ARFRP1: variants seen among roughly 807,000 people sequenced by gnomAD.
ARFRP1 encodes ADP-ribosylation factor-related protein 1.
A neutral mutation model predicts 30.3 loss-of-function variants in ARFRP1; 19 were observed. That is an observed-to-expected ratio of 0.63 (90% CI 0.44 to 0.92). ARFRP1 has a LOEUF of 0.92. ARFRP1 is among the 40% of genes least tolerant of loss of function. The pLI is 0.00. For missense variants in ARFRP1, 245 were observed against 267.5 expected (o/e 0.92, Z 0.59); for synonymous variants, 133 against 114.2 (o/e 1.16, Z -1.05).
intron 6 of ARFRP1, chr20:63,701,252 G>A (rs890650298): frequency 3.8e-6 from 2 of 529,154 alleles, no homozygotes; most frequent in Admixed American, 2.0e-5. Flanking sequence ...GGGGGCAACA[G>A]AGCCACCCCA....
intron 6 of ARFRP1, chr20:63,700,910 CTA>C (rs1428563916): frequency 1.5e-5 from 10 of 654,542 alleles, no homozygotes; most frequent in Non-Finnish European, 2.6e-5. Context: ...CTGAGACAAA[CTA>C]GACGTCCACA....
intron 6 of ARFRP1, chr20:63,701,588 A>G (rs1424975887): frequency 5.1e-6 from 3 of 593,020 alleles, no homozygotes; most frequent in Admixed American, 3.0e-5. Flanking sequence ...GGTGCCCTGC[A>G]TAGCAGGAAG....
At chr20:63,700,893 G>T in intron 6 of ARFRP1, 191 bp from the exon 7 acceptor site, 2 of 732,702 alleles carry the variant, frequency 2.7e-6, no homozygotes, top group Non-Finnish European at 4.4e-6. Context: ...AACATGGCTG[G>T]TAGTGCCTGA....
intron 6 of ARFRP1, 96 bp from the exon 7 acceptor site, chr20:63,700,798 AG>A (rs2091168579): frequency 4.0e-6 from 6 of 1,485,968 alleles, no homozygotes. Flanking sequence ...CCTTCACCCC[AG>A]GGAAACAGCC....
chr20:63,702,335 C>A, intron 4 of ARFRP1, 118 bp from the exon 5 acceptor site: 2 of 951,574 alleles, frequency 2.1e-6, no homozygotes, highest in South Asian at 3.0e-5. Flanking sequence ...AGAGGGCAGC[C>A]CCCAACTGCA....
At position 63,706,661 on chromosome 20, in the gene ARFRP1, C is replaced by T. The variant is rs764838441; in HGVS notation, c.171G>A (p.Val57=). The change falls in exon 3 of 8, where the codon GTG becomes GTA. Residue 57 remains valine (V), a synonymous_variant. Transcript: ENST00000622789. ...GMSLSKITTT[V]GLNIGTVDVG... is the part of the protein sequence containing the mutation. Reference sequence around the variant, plus strand: ...TATTGAGACCCTTACTGTTTAGGCCCACGGTGGTGGTGATTTTGGATAGAC... The same window carrying T: ...TATTGAGACCCTTACTGTTTAGGCCTACGGTGGTGGTGATTTTGGATAGAC... 5.0e-6 allele frequency: 8 copies of T among 1,612,140 alleles called. No individual in the cohort carries two copies. The highest frequency in any genetic ancestry group is 1.7e-5 in the Admixed American group (1 of 60,010).
chr20:63,706,782 A>C, intron 2 of ARFRP1, 44 bp from the exon 3 acceptor site: 2 of 1,481,812 alleles, frequency 1.3e-6, no homozygotes, highest in Non-Finnish European at 1.9e-6. Flanking sequence ...GAGGGGCTAT[A>C]CTGGCTTCCA....
chr20:63,701,998 G>GGGGGGGGGGCCCC, intron 5 of ARFRP1, 98 bp from the exon 6 acceptor site: 1 of 583,916 alleles, frequency 1.7e-6, no homozygotes. Flanking sequence ...CACTCCCTCT[G>GGGGGGGGGGCCCC]CCCCCCCCCC....
Position 63,707,023 on chromosome 20 carries a change from C to G in ARFRP1, c.69G>C (p.Leu23=), listed in dbSNP as rs886514585. 6.2e-6 allele frequency: 10 copies of G among 1,613,792 alleles called. No homozygotes were observed. In the Admixed American group the frequency reaches 1.5e-4, roughly 24 times the overall value. The change falls in exon 2 of 8, where the codon CTG becomes CTC. Residue 23 remains leucine (L), a synonymous_variant. Coordinates refer to ENST00000622789, the MANE Select transcript of ARFRP1 (RefSeq NM_001267547.3). ...FQKDEYCILI[L]GLDNAGKTTF... ...CCGTCTTCCCAGCATTGTCCAGGCC[C>G]AGGATCAGGATGCAGTACTCGTCCT... is the stretch of plus-strand genomic sequence containing the variant.
At position 63,700,252 on chromosome 20, in the gene ARFRP1, T is replaced by G; in HGVS notation, c.*191A>C. The G allele has an allele frequency of 1.2e-6, 1 of 831,798 alleles. No individual in the cohort carries two copies. Among genetic ancestry groups the G allele is most frequent in the South Asian group, 1.8e-5 (1 of 56,820 alleles). 51.5% of individuals were successfully genotyped at this position (831,798 alleles called of 1,614,324 possible). A position where few individuals can be genotyped will look rare whatever the true frequency, so the allele number is the denominator to read the frequency against. Reference sequence around the variant, plus strand: ...GCCTGGGCCAGCCGGGCTGCCAGACTCCCCTCCAAAGCCTCCGGATGCCTA... The same window carrying G: ...GCCTGGGCCAGCCGGGCTGCCAGACGCCCCTCCAAAGCCTCCGGATGCCTA... On this transcript the variant is annotated 3_prime_UTR_variant, in exon 8 of 8. Coordinates refer to ENST00000622789, the MANE Select transcript of ARFRP1 (RefSeq NM_001267547.3).
chr20:63,700,711 G>T lies in ARFRP1; in HGVS notation c.418-9C>A. ...GGGATTGAGAGGCACGTCTGGGGGA[G>T]GTAAGGCCGTGAGGAGCAGCCCCCA... On this transcript the variant is annotated splice_polypyrimidine_tract_variant and intron_variant, in intron 6 of 7. Coordinates refer to ENST00000622789, the MANE Select transcript of ARFRP1 (RefSeq NM_001267547.3). 3 of 1,609,960 alleles carry T rather than the reference G, an allele frequency of 1.9e-6. No individual in the cohort carries two copies. The highest frequency in any genetic ancestry group is 1.7e-6 in the Non-Finnish European group (2 of 1,179,618).
rs1207920392 is a variant in ARFRP1 at position 63,700,253 on chromosome 20, C to G, written c.*190G>C. On this transcript the variant is annotated 3_prime_UTR_variant, in exon 8 of 8. Coordinates refer to ENST00000622789, the MANE Select transcript of ARFRP1 (RefSeq NM_001267547.3). Reference sequence around the variant, plus strand: ...CCTGGGCCAGCCGGGCTGCCAGACTCCCCTCCAAAGCCTCCGGATGCCTAC... The same window carrying G: ...CCTGGGCCAGCCGGGCTGCCAGACTGCCCTCCAAAGCCTCCGGATGCCTAC... 3.5e-6 allele frequency: 3 copies of G among 846,912 alleles called. No homozygotes were observed. Among genetic ancestry groups the G allele is most frequent in the Non-Finnish European group, 5.3e-6 (3 of 562,506 alleles). The allele number at this position is 846,912 out of a possible 1,614,324, so 52.5% of individuals were successfully genotyped here. A position where few individuals can be genotyped will look rare whatever the true frequency, so the allele number is the denominator to read the frequency against.
rs747991021 is a variant in ARFRP1 at position 63,701,344 on chromosome 20, G to T, written c.417+486C>A. On this transcript the variant is annotated intron_variant, in intron 6 of 7. Transcript: ENST00000622789. ...CAAAGCCACTCCAAGAGAACAGCTA[G>T]AACTCAGCGTGGCCAGTGCTCCCGG... 4 of 536,072 alleles carry T rather than the reference G, an allele frequency of 7.5e-6. No individual in the cohort carries two copies. In the East Asian group the frequency reaches 1.6e-4, roughly 22 times the overall value. The allele number at this position is 536,072 out of a possible 1,614,324, so 33.2% of individuals were successfully genotyped here. A position where few individuals can be genotyped will look rare whatever the true frequency, so the allele number is the denominator to read the frequency against.
chr20:63,706,328 TG>T, intron 4 of ARFRP1, 28 bp downstream of exon 4: 1 of 1,595,526 alleles, frequency 6.3e-7, no homozygotes, highest in Non-Finnish European at 8.6e-7. Flanking sequence ...AGGGCTGGGG[TG>T]GGGGTGGTCC....
At chr20:63,703,827 G>A (rs2145567144) in intron 4 of ARFRP1, 1 of 152,598 alleles carries the variant, frequency 6.6e-6, no homozygotes, top group South Asian at 2.1e-4. Context: ...GTGGACGGGA[G>A]CGACACCTCA....
In ARFRP1 at chr20:63,702,548, A is replaced by G. The variant is rs933508860; in HGVS notation, c.265-331T>C. 7 of 349,448 alleles carry G rather than the reference A, an allele frequency of 2.0e-5. No homozygotes were observed. In the East Asian group the frequency reaches 3.3e-4, roughly 16 times the overall value. 21.6% of individuals were successfully genotyped at this position (349,448 alleles called of 1,614,324 possible). On this transcript the variant is annotated intron_variant, in intron 4 of 7. Coordinates refer to ENST00000622789, the MANE Select transcript of ARFRP1 (RefSeq NM_001267547.3). ...CAGGAGGATCACCTGAGCCCACTTC[A>G]CGGCCAACCTGGGCAACACAGTGAG...
Position 63,701,848 on chromosome 20 carries a change from G to T in ARFRP1, c.399C>A (p.Ala133=). The change falls in exon 6 of 8, where the codon GCC becomes GCA. Residue 133 remains alanine, a synonymous_variant. Transcript: ENST00000622789. ...ALCGVPVLVL[A]NKQDVETCLS... ...GGCTCACCTCCACATCCTGCTTGTT[G>T]GCCAGCACCAAGACGGGGACACCGC... 6.4e-7 allele frequency: 1 copy of T among 1,550,500 alleles called. No homozygotes were observed. The highest frequency in any genetic ancestry group is 8.7e-7 in the Non-Finnish European group (1 of 1,147,062).
rs1015841638 is a variant in ARFRP1 at position 63,700,084 on chromosome 20, G to A, written c.*359C>T. ...GGCGGAGACAGCCACGGGGTCTCCC[G>A]AGGGTCCCACAGGGCTGTCCTCATG... is the stretch of plus-strand genomic sequence containing the variant. On this transcript the variant is annotated 3_prime_UTR_variant, in exon 8 of 8. Coordinates refer to ENST00000622789, the MANE Select transcript of ARFRP1 (RefSeq NM_001267547.3). 7 of 328,264 alleles carry A rather than the reference G, an allele frequency of 2.1e-5. No individual in the cohort carries two copies. The highest frequency in any genetic ancestry group is 8.5e-5 in the African/African-American group (4 of 46,804). The allele number at this position is 328,264 out of a possible 1,614,324, so 20.3% of individuals were successfully genotyped here.
In ARFRP1 at chr20:63,706,701, T is replaced by G. The variant is rs1284726334; in HGVS notation, c.131A>C (p.Asn44Thr). 1.2e-6 allele frequency: 2 copies of G among 1,614,066 alleles called. No individual in the cohort carries two copies. Among genetic ancestry groups the G allele is most frequent in the Non-Finnish European group, 1.7e-6 (2 of 1,179,940 alleles). ...LEQSKTRFNK[N>T]YKGMSLSKIT... ...TTTGGATAGACTCATCCCCTTGTAGTTCTTGTTAAATCGGGTTTTCGACTG... is the reference window on the plus strand; with the variant it reads ...TTTGGATAGACTCATCCCCTTGTAGGTCTTGTTAAATCGGGTTTTCGACTG... Residue 44 changes from asparagine to threonine, a missense_variant, in exon 3 of 8, where the codon AAC becomes ACC. By Grantham distance (65) the Asn-to-Thr change is moderately conservative (BLOSUM62 0). Transcript: ENST00000622789.
Sources: allele counts gnomAD v4.1 joint callset, GRCh38; gene constraint gnomAD v4.1.1; transcripts MANE v1.5; gene names NCBI Gene and HGNC (gene_info 2026-07-23, HGNC 2026-07-21).